PAK3: variants seen among roughly 807,000 people sequenced by gnomAD.
PAK3 encodes p21 (RAC1) activated kinase 3.
In PAK3, 4 loss-of-function variants were observed where a neutral mutation model predicts 41.0. The ratio of observed to expected loss-of-function variants is 0.10; its 90% CI spans 0.05 to 0.22. The LOEUF is 0.22. Ranked by LOEUF, PAK3 falls within the 10% of genes least tolerant of loss-of-function variation. The pLI, the probability that PAK3 is intolerant of heterozygous loss-of-function variation, is 1.00. For missense variants in PAK3, 205 were observed against 409.9 expected (o/e 0.50, Z 4.32); for synonymous variants, 146 against 139.6 (o/e 1.05, Z -0.32).
At chrX:110,958,091 A>G (rs1255340871) in intron 1 of PAK3, among the ~76,000 whole-genome samples, 1 of 111,917 alleles carries the variant, frequency 8.9e-6, no homozygotes, top group Non-Finnish European at 1.9e-5. Flanking sequence ...CTGAGGCCTG[A>G]AACGTGAATA....
chrX:111,027,280 C>T (rs187773288), intron 1 of PAK3, among the ~76,000 whole-genome samples: 5 of 110,890 alleles, frequency 4.5e-5, no homozygotes, highest in East Asian at 5.6e-4. Flanking sequence ...GACCAAGAAC[C>T]GAAAAGCAAA....
At chrX:111,127,409 A>G (rs893337367) in intron 5 of PAK3, among the ~76,000 whole-genome samples, 2 of 110,270 alleles carry the variant, frequency 1.8e-5, no homozygotes, top group African/African-American at 6.6e-5. Flanking sequence ...GCTACATTTC[A>G]TTGACTAAGT....
rs140629820 is a variant in PAK3, at chrX:111,110,104, G to A, written c.-28+6798G>A. ...CTAAGTAACTTTTAGCAGAGTGCGT[G>A]GGCCATGATAAGATTTCAGTGAATG... is the stretch of plus-strand genomic sequence containing the variant. On this transcript the variant is annotated intron_variant, in intron 4 of 17. Transcript: ENST00000372007. 5.3e-3 allele frequency among the ~76,000 whole-genome samples: 596 copies of A among 112,254 alleles called. 3 individuals carry two copies. Among genetic ancestry groups the A allele is most frequent in the Non-Finnish European group, 8.8e-3 (467 of 53,215 alleles).
chrX:111,152,720 C>A, intron 8 of PAK3: 1 of 235,309 alleles, frequency 4.2e-6, no homozygotes, highest in Non-Finnish European at 7.6e-6. Flanking sequence ...TAACTCCACC[C>A]ACCCCACCCT....
intron 3 of PAK3, among the ~76,000 whole-genome samples, chrX:111,100,758 C>A (rs1481995222): frequency 1.8e-5 from 2 of 111,564 alleles, no homozygotes; most frequent in African/African-American, 6.5e-5. Flanking sequence ...CAGCCCTAGT[C>A]CCCAGACAGA....
chrX:111,149,311 T>A (rs1165290018), intron 7 of PAK3, among the ~76,000 whole-genome samples: 1 of 111,785 alleles, frequency 8.9e-6, no homozygotes, highest in Admixed American at 9.4e-5. Context: ...CTTTTCCATG[T>A]GCAAAGTGCA....
In PAK3 at chrX:111,006,812, C is replaced by CCTTTCTTT. The variant is rs1275739344; in HGVS notation, c.-28+62217_-28+62224dup. Among the ~76,000 whole-genome samples the CCTTTCTTT allele has an allele frequency of 5.4e-3, 299 of 54,965 alleles. 8 individuals carry two copies. The highest frequency in any genetic ancestry group is 0.016 in the Middle Eastern group (1 of 63). 47.7% of individuals were successfully genotyped at this position (54,965 alleles called of 115,157 possible). A position where few individuals can be genotyped will look rare whatever the true frequency, so the allele number is the denominator to read the frequency against. On this transcript the variant is annotated intron_variant, in intron 1 of 14. Transcript: ENST00000425146. ...AGTGGGACCTGAGAATCTGCATTTC[C>CCTTTCTTT]CTTTCTTTCTTTCTTTCTTTCTTTC...
At chrX:111,170,316 A>G (rs1258584612) in intron 10 of PAK3, among the ~76,000 whole-genome samples, 1 of 110,586 alleles carries the variant, frequency 9.0e-6, no homozygotes, top group African/African-American at 3.3e-5. Context: ...AACAACCCAT[A>G]TATTAGCTAA....
chrX:110,976,755 T>C (rs2091339708), intron 1 of PAK3, among the ~76,000 whole-genome samples: 1 of 111,743 alleles, frequency 8.9e-6, no homozygotes, highest in African/African-American at 3.3e-5. Context: ...GTGACACATA[T>C]ACAACATGGA....
intron 1 of PAK3, among the ~76,000 whole-genome samples, chrX:111,020,400 G>A (rs192072345): frequency 1.8e-5 from 2 of 111,507 alleles, no homozygotes; most frequent in African/African-American, 3.3e-5. Flanking sequence ...CTGAGAGGAG[G>A]GGAGAATGGG....
chrX:110,957,312 G>T (rs1177030689), intron 1 of PAK3, among the ~76,000 whole-genome samples: 1 of 112,034 alleles, frequency 8.9e-6, no homozygotes, highest in African/African-American at 3.2e-5. Context: ...TATAATACCA[G>T]CTAACATATA....
intron 10 of PAK3, among the ~76,000 whole-genome samples, chrX:111,164,098 C>G (rs1342364803): frequency 9.1e-6 from 1 of 110,220 alleles, no homozygotes; most frequent in Non-Finnish European, 1.9e-5. Context: ...AAGCCCAACA[C>G]AGTCAATCAA....
At chrX:111,087,423 CAAA>C (rs11288618) in intron 1 of PAK3, among the ~76,000 whole-genome samples, 1 of 94,565 alleles carries the variant, frequency 1.1e-5, no homozygotes. Flanking sequence ...TGCATTATTA[CAAA>C]AAAAAAAAAA....
intron 5 of PAK3, among the ~76,000 whole-genome samples, chrX:111,137,656 G>A (rs1456655970): frequency 8.9e-6 from 1 of 111,791 alleles, no homozygotes; most frequent in African/African-American, 3.2e-5. Context: ...CATTCTTTAT[G>A]AAGTAGTAGA....
At chrX:110,966,164 C>T (rs1226805024) in intron 1 of PAK3, among the ~76,000 whole-genome samples, 2 of 111,854 alleles carry the variant, frequency 1.8e-5, no homozygotes, top group Non-Finnish European at 3.8e-5. Context: ...TGGGTTTCCA[C>T]AGCTGGAGTC....
chrX:111,075,797 C>T (rs780516184), intron 1 of PAK3, among the ~76,000 whole-genome samples: 1 of 112,759 alleles, frequency 8.9e-6, no homozygotes, highest in Admixed American at 9.3e-5. Context: ...GACTCCAACC[C>T]ATCAGAGCAG....
chrX:111,188,657 C>T (rs866497225), intron 11 of PAK3, among the ~76,000 whole-genome samples: 1 of 111,489 alleles, frequency 9.0e-6, no homozygotes, highest in African/African-American at 3.3e-5. Flanking sequence ...TACCAGTCAT[C>T]CCCTACTGTG....
chrX:111,199,657 T>C (rs1281481221), intron 16 of PAK3, among the ~76,000 whole-genome samples: 1 of 111,848 alleles, frequency 8.9e-6, no homozygotes, highest in African/African-American at 3.3e-5. Context: ...AACACAGAGA[T>C]AGACATAGTG....
upstream of PAK3, among the ~76,000 whole-genome samples, chrX:111,095,236 A>G (rs1050827757): frequency 8.9e-6 from 1 of 112,237 alleles, no homozygotes; most frequent in African/African-American, 3.2e-5. Context: ...TACTCATAAT[A>G]CTACTAGTTT....
Sources: gnomAD v4.1 joint callset for allele counts (sites outside exome capture counted in the v4.1 genomes callset) on GRCh38, gnomAD v4.1.1 for gene constraint, MANE v1.5 for transcripts, NCBI Gene and HGNC (gene_info 2026-07-23, HGNC 2026-07-21) for gene names.